Variants in SORCS1 observed in about 807,000 individuals in gnomAD.
The protein encoded by SORCS1 is VPS10 domain-containing receptor SorCS1.
Under a neutral mutation model 146.1 loss-of-function variants are expected in SORCS1, and 60 were observed. That is an observed-to-expected ratio of 0.41 (90% CI 0.33 to 0.51). The LOEUF (loss-of-function observed/expected upper bound fraction) is 0.51. Among genes scored for constraint, SORCS1 ranks in the 20% least tolerant of loss-of-function variants. The probability of loss-of-function intolerance (pLI) is 0.21; values close to 1 mark genes in which losing one functional copy is unlikely to be tolerated. For synonymous variants in SORCS1, 637 were observed against 584.0 expected, an observed-to-expected ratio of 1.09 and a Z score of -1.31; for missense variants, 1,352 against 1,487.6, an observed-to-expected ratio of 0.91 and a Z score of 1.50.
chr10:107,058,744 A>C (rs574016103), intron 1 of SORCS1, among the ~76,000 whole-genome samples: 4 of 152,236 alleles, frequency 2.6e-5, no homozygotes, highest in Non-Finnish European at 5.9e-5. Flanking sequence ...TCCAAAAAAT[A>C]AATGTTAGCA....
intron 2 of SORCS1, among the ~76,000 whole-genome samples, chr10:106,864,209 A>G (rs874887): frequency 0.44 from 66,555 of 152,072 alleles, 14,634 homozygotes; most frequent in East Asian, 0.49. Context: ...CCAGGTGCTC[A>G]CATTGGGACT....
At chr10:106,798,623 T>A (rs1455524742) in intron 3 of SORCS1, among the ~76,000 whole-genome samples, 2 of 152,256 alleles carry the variant, frequency 1.3e-5, no homozygotes, top group East Asian at 3.8e-4. Context: ...GATCTCACTC[T>A]TTTTTGTGGC....
At chr10:106,627,352 G>A (rs1240756046) in intron 19 of SORCS1, among the ~76,000 whole-genome samples, 2 of 152,154 alleles carry the variant, frequency 1.3e-5, no homozygotes, top group Non-Finnish European at 2.9e-5. Context: ...GTGGTATATG[G>A]AACACAATTA....
intron 1 of SORCS1, among the ~76,000 whole-genome samples, chr10:107,084,050 G>A (rs966876270): frequency 5.3e-5 from 8 of 150,516 alleles, no homozygotes; most frequent in Admixed American, 2.0e-4. Flanking sequence ...TGATGTGAAT[G>A]TCCACAGTAG....
chr10:106,635,742 A>G (rs1351304888), intron 18 of SORCS1, among the ~76,000 whole-genome samples: 2 of 152,196 alleles, frequency 1.3e-5, no homozygotes, highest in African/African-American at 4.8e-5. Flanking sequence ...CTTTGTTTTG[A>G]CTGATGATGG....
chr10:107,044,540 T>G (rs780023197), intron 1 of SORCS1, among the ~76,000 whole-genome samples: 4 of 102,310 alleles, frequency 3.9e-5, no homozygotes, highest in Non-Finnish European at 8.3e-5. Context: ...AAAAAAAAAG[T>G]TGGCAGGGCA....
chr10:106,871,664 T>C (rs1564757731), intron 2 of SORCS1, among the ~76,000 whole-genome samples: 1 of 152,212 alleles, frequency 6.6e-6, no homozygotes, highest in Non-Finnish European at 1.5e-5. Context: ...TACCCCATGT[T>C]CTCATTCATA....
intron 4 of SORCS1, among the ~76,000 whole-genome samples, chr10:106,766,705 C>A (rs1365405866): frequency 6.6e-6 from 1 of 152,198 alleles, no homozygotes; most frequent in Non-Finnish European, 1.5e-5. Context: ...GACCCCCACA[C>A]CCAACCCTGC....
intron 1 of SORCS1, among the ~76,000 whole-genome samples, chr10:107,095,729 G>A (rs1964504569): frequency 6.6e-6 from 1 of 151,936 alleles, no homozygotes; most frequent in African/African-American, 2.4e-5. Flanking sequence ...GAATTTTACA[G>A]TAAAATAAAA....
chr10:107,059,671 CTGTTTAGGGCTT>C (rs571410863), intron 1 of SORCS1, among the ~76,000 whole-genome samples: 1 of 152,180 alleles, frequency 6.6e-6, no homozygotes, highest in East Asian at 1.9e-4. Flanking sequence ...CAGGATGGGC[CTGTTTAGGGCTT>C]TGACTATGAG....
At chr10:106,936,613 T>G (rs1381865640) in intron 2 of SORCS1, among the ~76,000 whole-genome samples, 1 of 152,200 alleles carries the variant, frequency 6.6e-6, no homozygotes, top group Non-Finnish European at 1.5e-5. Context: ...AGGGAATAAG[T>G]TTTTGTGAAT....
chr10:106,978,487 T>C (rs73376432), intron 1 of SORCS1, among the ~76,000 whole-genome samples: 6,907 of 152,170 alleles, frequency 0.045, 512 homozygotes, highest in African/African-American at 0.16. Flanking sequence ...GATTAGCAAG[T>C]ATTAAAGTTT....
chr10:106,693,330 T>C (rs973482593), intron 9 of SORCS1, among the ~76,000 whole-genome samples: 1 of 152,176 alleles, frequency 6.6e-6, no homozygotes, highest in African/African-American at 2.4e-5. Flanking sequence ...CCTAAGGTCA[T>C]CCCATTGGAG....
intron 1 of SORCS1, among the ~76,000 whole-genome samples, chr10:107,105,497 A>G (rs528591878): frequency 2.1e-4 from 32 of 152,350 alleles, no homozygotes; most frequent in African/African-American, 7.5e-4. Flanking sequence ...AGAAGCCGAC[A>G]GTGCAGCCTT....
chr10:107,143,781 G>T (rs1259013496), intron 1 of SORCS1, among the ~76,000 whole-genome samples: 2 of 152,006 alleles, frequency 1.3e-5, no homozygotes, highest in African/African-American at 2.4e-5. Context: ...TGGGATTATG[G>T]GTGTGAGCCA....
chr10:106,973,549 T>C (rs1398620073), intron 1 of SORCS1, among the ~76,000 whole-genome samples: 1 of 152,106 alleles, frequency 6.6e-6, no homozygotes, highest in Non-Finnish European at 1.5e-5. Flanking sequence ...GTCTTGTAGG[T>C]GACTCACAGA....
At chr10:106,588,739 C>A (rs547882396) in intron 24 of SORCS1, among the ~76,000 whole-genome samples, 1 of 151,290 alleles carries the variant, frequency 6.6e-6, no homozygotes, top group South Asian at 2.1e-4. Flanking sequence ...CAGGTGCCTG[C>A]GGTTCCAGCT....
intron 2 of SORCS1, among the ~76,000 whole-genome samples, chr10:106,896,570 A>G (rs1032774547): frequency 1.3e-5 from 2 of 152,030 alleles, no homozygotes; most frequent in Admixed American, 6.6e-5. Flanking sequence ...CTTCAAAACA[A>G]TGTGAATATA....
chr10:107,176,975 T>G, the SORCS1 span, among the ~76,000 whole-genome samples: 1 of 152,156 alleles, frequency 6.6e-6, no homozygotes. Context: ...ATCATATGTG[T>G]GTGTTTCTCC....
Sources: gnomAD v4.1 joint callset for allele counts (sites outside exome capture counted in the v4.1 genomes callset) on GRCh38, gnomAD v4.1.1 for gene constraint, MANE v1.5 for transcripts, NCBI Gene and HGNC (gene_info 2026-07-23, HGNC 2026-07-21) for gene names.